The following GPC6 variants were observed in gnomAD, a reference collection of about 807,000 sequenced individuals.
GPC6 encodes glypican 6, also known as glypican-6.
A neutral mutation model predicts 55.2 loss-of-function variants in GPC6; 14 were observed. The ratio of observed to expected loss-of-function variants is 0.25; its 90% CI spans 0.17 to 0.40. The LOEUF (loss-of-function observed/expected upper bound fraction) is 0.40, where lower values mean the gene tolerates loss of function less well. Among genes scored for constraint, GPC6 ranks in the 10% least tolerant of loss-of-function variants. The probability of loss-of-function intolerance (pLI) is 1.00; values close to 1 mark genes in which losing one functional copy is unlikely to be tolerated. For missense variants in GPC6, 641 were observed against 708.5 expected (o/e 0.90, Z 1.08); for synonymous variants, 278 against 259.6 (o/e 1.07, Z -0.68).
At chr13:93,850,549 A>G (rs75907161) in intron 3 of GPC6, among the ~76,000 whole-genome samples, 6,412 of 152,066 alleles carry the variant, frequency 0.042, 453 homozygotes, top group African/African-American at 0.14. Context: ...GTTAATATTT[A>G]TTGACTAGTC....
chr13:93,529,355 A>G (rs1295049731), intron 1 of GPC6, among the ~76,000 whole-genome samples: 3 of 152,080 alleles, frequency 2.0e-5, no homozygotes, highest in Admixed American at 6.6e-5. Context: ...CAGAATTACA[A>G]TTAAAAAGAC....
intron 1 of GPC6, among the ~76,000 whole-genome samples, chr13:93,323,774 T>G (rs767967432): frequency 1.3e-5 from 2 of 152,140 alleles, no homozygotes; most frequent in African/African-American, 2.4e-5. Flanking sequence ...CTTTATAAAG[T>G]ATGATGAGGA....
rs562314691 is a variant in GPC6 at position 93,623,594 on chromosome 13, A to G, written c.319+78173A>G. 6.6e-5 allele frequency among the ~76,000 whole-genome samples: 10 copies of G among 151,054 alleles called. No individual in the cohort carries two copies. The East Asian group carries it at 2.0e-3, about 29-fold the overall frequency. ...CTGCCTCAGCCTCCCAAGTAGTTGG[A>G]ATTACAGGCACCCGCCACCACTTCC... On this transcript the variant is annotated intron_variant, in intron 2 of 8. Coordinates refer to ENST00000377047, the MANE Select transcript of GPC6 (RefSeq NM_005708.5).
chr13:94,150,560 T>A (rs1439753206), intron 4 of GPC6, among the ~76,000 whole-genome samples: 1 of 152,020 alleles, frequency 6.6e-6, no homozygotes, highest in African/African-American at 2.4e-5. Flanking sequence ...TCTTATTTGA[T>A]GTCTTTTATC....
intron 4 of GPC6, among the ~76,000 whole-genome samples, chr13:94,070,417 C>T (rs1012688320): frequency 1.3e-5 from 2 of 152,154 alleles, no homozygotes; most frequent in Non-Finnish European, 2.9e-5. Flanking sequence ...GATATACAGT[C>T]TTTATCCTTT....
intron 4 of GPC6, among the ~76,000 whole-genome samples, chr13:94,139,193 A>G (rs889964166): frequency 6.6e-6 from 1 of 152,162 alleles, no homozygotes; most frequent in African/African-American, 2.4e-5. Context: ...GGCTAAATCC[A>G]CATTATGACA....
intron 6 of GPC6, among the ~76,000 whole-genome samples, chr13:94,310,623 C>T (rs971634971): frequency 3.9e-5 from 6 of 152,076 alleles, no homozygotes; most frequent in African/African-American, 9.7e-5. Context: ...ACAGTCATTC[C>T]GGAGAGTCCC....
At position 94,156,613 on chromosome 13, in the gene GPC6, A is replaced by G. The variant is rs576010343; in HGVS notation, c.877+128719A>G. ...CTTTTCTGTTGCTGCAAAGTCTTCT[A>G]TGAATACTTTGTGAGGCTGCTCAAA... On this transcript the variant is annotated intron_variant, in intron 4 of 8. Transcript: ENST00000377047. Among the ~76,000 whole-genome samples the G allele has an allele frequency of 3.9e-5, 6 of 152,256 alleles. No homozygotes were observed. In the South Asian group the frequency reaches 1.2e-3, roughly 32 times the overall value.
At chr13:93,796,812 C>G (rs1886210398) in intron 2 of GPC6, among the ~76,000 whole-genome samples, 1 of 137,184 alleles carries the variant, frequency 7.3e-6, no homozygotes, top group South Asian at 2.3e-4. Flanking sequence ...TGATTTGCCT[C>G]TGGCTTGGCC....
chr13:94,074,277 C>T (rs981194079), intron 4 of GPC6, among the ~76,000 whole-genome samples: 3 of 152,126 alleles, frequency 2.0e-5, no homozygotes, highest in South Asian at 2.1e-4. Flanking sequence ...GGGGCAAATA[C>T]GTTTGCTCAT....
intron 2 of GPC6, among the ~76,000 whole-genome samples, chr13:93,565,127 C>T (rs1399546336): frequency 1.3e-5 from 2 of 152,098 alleles, no homozygotes; most frequent in Admixed American, 6.5e-5. Context: ...CCACTTGCCC[C>T]CAACTTCACA....
chr13:93,744,037 A>T (rs986968031), intron 2 of GPC6, among the ~76,000 whole-genome samples: 3 of 152,224 alleles, frequency 2.0e-5, no homozygotes, highest in Non-Finnish European at 4.4e-5. Flanking sequence ...CAGCAAAAAT[A>T]CTTTAGAGTA....
chr13:94,215,983 T>C (rs1216936957), intron 4 of GPC6, among the ~76,000 whole-genome samples: 1 of 56,580 alleles, frequency 1.8e-5, no homozygotes, highest in Non-Finnish European at 3.8e-5. Context: ...TTCAAATATG[T>C]TTTTTAGACG....
intron 6 of GPC6, among the ~76,000 whole-genome samples, chr13:94,380,304 G>A (rs1277215389): frequency 6.6e-6 from 1 of 152,128 alleles, no homozygotes; most frequent in Non-Finnish European, 1.5e-5. Context: ...CTTTCTCTGA[G>A]GATTGTTTTG....
chr13:93,922,298 A>G (rs1232618955), intron 3 of GPC6, among the ~76,000 whole-genome samples: 2 of 152,294 alleles, frequency 1.3e-5, no homozygotes, highest in Non-Finnish European at 2.9e-5. Flanking sequence ...ACAAAAGGCT[A>G]TGTATCCTCT....
intron 4 of GPC6, among the ~76,000 whole-genome samples, chr13:94,078,697 A>G (rs541967921): frequency 6.6e-6 from 1 of 152,000 alleles, no homozygotes; most frequent in Non-Finnish European, 1.5e-5. Flanking sequence ...TGAAACATGA[A>G]CTAAAAGAAA....
chr13:93,635,224 A>G (rs751173714), intron 2 of GPC6, among the ~76,000 whole-genome samples: 2 of 152,052 alleles, frequency 1.3e-5, no homozygotes, highest in Non-Finnish European at 2.9e-5. Context: ...AAAACTACCA[A>G]TTTGTAGGAA....
At chr13:94,380,488 A>G (rs1880110071) in intron 6 of GPC6, among the ~76,000 whole-genome samples, 1 of 152,172 alleles carries the variant, frequency 6.6e-6, no homozygotes, top group South Asian at 2.1e-4. Flanking sequence ...GAAAAATTTT[A>G]TACTCTTCAT....
chr13:93,217,462 G>C, the GPC6 span, among the ~76,000 whole-genome samples: 10 of 152,256 alleles, frequency 6.6e-5, no homozygotes, highest in Non-Finnish European at 8.8e-5. Flanking sequence ...GAGTGTAAAA[G>C]TAAAAATGAA....
Sources: gnomAD v4.1 joint callset for allele counts (sites outside exome capture counted in the v4.1 genomes callset) on GRCh38, gnomAD v4.1.1 for gene constraint, MANE v1.5 for transcripts, NCBI Gene and HGNC (gene_info 2026-07-23, HGNC 2026-07-21) for gene names.